Variants in DCHS1 observed in about 807,000 individuals in gnomAD.
DCHS1 encodes protocadherin-16.
Under a neutral mutation model 213.9 loss-of-function variants are expected in DCHS1, and 78 were observed. The ratio of observed to expected loss-of-function variants is 0.36; its 90% confidence interval spans 0.30 to 0.44. The LOEUF is 0.44. Among genes scored for constraint, DCHS1 ranks in the 20% least tolerant of loss-of-function variants. The pLI, the probability that DCHS1 is intolerant of heterozygous loss-of-function variation, is 1.00. For synonymous variants in DCHS1, 1,828 were observed against 1,873.7 expected (o/e 0.98, Z 0.63); for missense variants, 3,946 against 4,395.9 (o/e 0.90, Z 2.89).
At position 6,622,463 on chromosome 11, in the gene DCHS1, C is replaced by T. The variant is rs1855712258; in HGVS notation, c.9213G>A (p.Gln3071=). ...AARGPDSGIQ[Q]DADGLSDTSC... ...ATGTGTCACTCAGACCATCTGCATC[C>T]TGCTGGATGCCTGAGTCAGGGCCAC... The change falls in exon 21 of 21, where the codon CAG becomes CAA. Residue 3071 remains glutamine, a synonymous_variant. Coordinates refer to ENST00000299441, the MANE Select transcript of DCHS1 (RefSeq NM_003737.4). The surrounding 1 kb of genome is among the most constrained non-coding windows in gnomAD (Gnocchi z 5.4). 2 of 1,564,518 alleles carry T rather than the reference C, an allele frequency of 1.3e-6. No homozygotes were observed. Among genetic ancestry groups the T allele is most frequent in the South Asian group, 2.4e-5 (2 of 84,880 alleles).
rs771061062 is a variant in DCHS1 at position 6,632,018 on chromosome 11, T to G, written c.3481+13A>C. ...AGGCTATGCGGTCTCAGGATTTGGG[T>G]CTCTGTGCTCACCAGTCTGGGGGTG... On this transcript the variant is annotated intron_variant, in intron 6 of 20. Transcript: ENST00000299441. The surrounding 1 kb of genome is among the most constrained non-coding windows in gnomAD (Gnocchi z 5.9). 18 of 1,499,124 alleles carry G rather than the reference T, an allele frequency of 1.2e-5. No homozygotes were observed. Among genetic ancestry groups the G allele is most frequent in the Non-Finnish European group, 2.7e-6 (3 of 1,127,984 alleles). The allele number at this position is 1,499,124 out of a possible 1,614,324, so 92.9% of individuals were successfully genotyped here.
intron 1 of DCHS1, among the ~76,000 whole-genome samples, chr11:6,649,575 AC>A (rs1856214814): frequency 2.0e-5 from 3 of 152,148 alleles, no homozygotes; most frequent in Admixed American, 1.3e-4. Flanking sequence ...CTGTTATTCA[AC>A]AAATACTTGT....
At chr11:6,636,240 C>T (rs905544245) in intron 2 of DCHS1, among the ~76,000 whole-genome samples, 1 of 152,188 alleles carries the variant, frequency 6.6e-6, no homozygotes, top group Non-Finnish European at 1.5e-5. Flanking sequence ...TTGAGACAGG[C>T]TCTCTGTTGC....
At chr11:6,633,135 A>T in intron 5 of DCHS1, 79 bp from the exon 6 acceptor site, 1 of 1,488,422 alleles carries the variant, frequency 6.7e-7, no homozygotes, top group Non-Finnish European at 9.1e-7. Flanking sequence ...GATCCCGAGA[A>T]GGACTGGGCA....
chr11:6,626,431 C>A lies in DCHS1; in HGVS notation c.6365-51G>T, dbSNP rs542191735. The stretch of plus-strand genomic sequence containing the variant: ...ATAGCCCCCTTTGCTTGCCCTGGAG[C>A]CTCCTTCTCTAAGACCCCTTACTCA... On this transcript the variant is annotated intron_variant, in intron 15 of 20. Transcript: ENST00000299441. The surrounding 1 kb of genome is among the most constrained non-coding windows in gnomAD (Gnocchi z 5.2). 8 of 1,605,794 alleles carry A rather than the reference C, an allele frequency of 5.0e-6. No individual in the cohort carries two copies. The African/African-American group carries it at 9.4e-5, about 19-fold the overall frequency.
chr11:6,641,623 A>G lies in DCHS1; in HGVS notation c.-10T>C. 2 of 1,532,780 alleles carry G rather than the reference A, an allele frequency of 1.3e-6. No individual in the cohort carries two copies. The highest frequency in any genetic ancestry group is 1.8e-6 in the Non-Finnish European group (2 of 1,135,048). The allele number at this position is 1,532,780 out of a possible 1,614,324, so 94.9% of individuals were successfully genotyped here. On this transcript the variant is annotated 5_prime_UTR_variant, in exon 2 of 21. Coordinates refer to ENST00000299441, the MANE Select transcript of DCHS1 (RefSeq NM_003737.4). This position sits in a 1 kb window ranked among gnomAD's most constrained non-coding sequence, Gnocchi z 7.1. ...CCAGCTCCTTCTGCATGACAAGGGT[A>G]GTCCAGCTGTGCCTTGGGCTCCAGC...
Position 6,623,971 on chromosome 11 carries a change from T to G in DCHS1, c.7705A>C (p.Asn2569His), listed in dbSNP as rs2134611839. ...CGGTCAGCTGCAGCCACTGTTAGAT[T>G]GTACTGTGTCAGGCTTTCAAAGTCT... ...PLDFESLTQY[N>H]LTVAAADRGQ... Residue 2569 changes from asparagine (N) to histidine (H), a missense_variant, in exon 21 of 21, where the codon AAT (asparagine) becomes CAT (histidine). Around this residue, in one of 3 missense-constraint regions of DCHS1, gnomAD observed 3,384 missense variants for 3,780.1 expected, o/e 0.90. Coordinates refer to ENST00000299441, the MANE Select transcript of DCHS1 (RefSeq NM_003737.4). The G allele has an allele frequency of 1.2e-6, 2 of 1,609,876 alleles. No individual in the cohort carries two copies. Among genetic ancestry groups the G allele is most frequent in the Admixed American group, 3.3e-5 (2 of 59,946 alleles).
At chr11:6,635,677 C>A (rs1416624018) in intron 2 of DCHS1, among the ~76,000 whole-genome samples, 1 of 152,154 alleles carries the variant, frequency 6.6e-6, no homozygotes, top group Non-Finnish European at 1.5e-5. Flanking sequence ...TGGCTGTGGG[C>A]CCGGATATCC....
rs773666492 is a variant in DCHS1 at position 6,622,103 on chromosome 11, C to T, written c.9573G>A (p.Arg3191=). 4 of 1,613,152 alleles carry T rather than the reference C, an allele frequency of 2.5e-6. No homozygotes were observed. The highest frequency in any genetic ancestry group is 3.4e-6 in the Non-Finnish European group (4 of 1,179,826). ...TEIARLKDEA[R]PCPPAPRIDP... is the part of the protein sequence containing the mutation. ...CGATACGGGGAGCTGGGGGACATGG[C>T]CGAGCTTCATCCTTGAGCCGAGCGA... The change falls in exon 21 of 21, where the codon CGG becomes CGA. Residue 3191 remains arginine, a synonymous_variant. Transcript: ENST00000299441. The surrounding 1 kb of genome is among the most constrained non-coding windows in gnomAD (Gnocchi z 5.4).
Position 6,624,041 on chromosome 11 carries a change from T to C in DCHS1, c.7635A>G (p.Gly2545=). 6.2e-7 allele frequency: 1 copy of C among 1,613,444 alleles called. No individual in the cohort carries two copies. Among genetic ancestry groups the C allele is most frequent in the Non-Finnish European group, 8.5e-7 (1 of 1,179,808 alleles). The change falls in exon 21 of 21, where the codon GGA becomes GGG. Residue 2545 remains glycine (G), a synonymous_variant. Transcript: ENST00000299441. The part of the protein sequence containing the change: ...PRLAEAGESA[G]PGPRALGCLV... ...GGCAGCCCAGTGCCCGGGGGCCTGG[T>C]CCAGCACTCTCCCCAGCCTCAGCCA...
rs772450059 is a variant in DCHS1 at position 6,621,970 on chromosome 11, G to A, written c.9706C>T (p.Arg3236Cys). Residue 3236 changes from arginine (R) to cysteine (C), a missense_variant, in exon 21 of 21, where the codon CGC (arginine) becomes TGC (cysteine). Around this residue, in one of 3 missense-constraint regions of DCHS1, gnomAD observed 554 missense variants for 590.2 expected, o/e 0.94. Transcript: ENST00000299441. ...GAGCCTTCATGGCTGATGGGGGAGC[G>A]GTGAGAAGCTGGTGGGAAGATGGCC... ...ARAIFPPASH[R>C]SPISHEGSLS... 27 of 1,613,250 alleles carry A rather than the reference G, an allele frequency of 1.7e-5. No individual in the cohort carries two copies. Among genetic ancestry groups the A allele is most frequent in the African/African-American group, 8.0e-5 (6 of 74,800 alleles).
chr11:6,633,343 G>C (rs538737192), intron 5 of DCHS1, 69 bp downstream of exon 5: 2 of 1,441,572 alleles, frequency 1.4e-6, no homozygotes, highest in Non-Finnish European at 9.4e-7. Context: ...AGGTATCTTC[G>C]GATGGTGCTG....
At chr11:6,644,000 T>A (rs74984789) in intron 1 of DCHS1, among the ~76,000 whole-genome samples, 2,817 of 152,284 alleles carry the variant, frequency 0.018, 24 homozygotes, top group South Asian at 0.033. Flanking sequence ...TCTTTCTTGT[T>A]TCTCCAAATT....
At chr11:6,630,933 C>A in intron 9 of DCHS1, 70 bp from the exon 10 acceptor site, 1 of 1,496,148 alleles carries the variant, frequency 6.7e-7, no homozygotes, top group South Asian at 1.3e-5. Context: ...GCTGGCTTCC[C>A]AGGTGGTAGG....
rs781555020 is a variant in DCHS1 at position 6,623,354 on chromosome 11, G to A, written c.8322C>T (p.Asp2774=). ...TGELRARVPF[D]YEHTESFRLL... ...GCCGGAAGCTTTCTGTGTGCTCATA[G>A]TCAAAGGGCACTCGCGCACGCAACT... The change falls in exon 21 of 21, where the codon GAC becomes GAT. Residue 2774 remains aspartate (D), a synonymous_variant. Transcript: ENST00000299441. 6.9e-6 allele frequency: 11 copies of A among 1,597,162 alleles called. No individual in the cohort carries two copies. The highest frequency in any genetic ancestry group is 9.4e-6 in the Non-Finnish European group (11 of 1,171,920).
intron 1 of DCHS1, among the ~76,000 whole-genome samples, chr11:6,643,658 C>T (rs1323584777): frequency 6.6e-6 from 1 of 152,212 alleles, no homozygotes; most frequent in Non-Finnish European, 1.5e-5. Context: ...ACTCTCCATA[C>T]TCTGCCTGCG....
intron 2 of DCHS1, among the ~76,000 whole-genome samples, chr11:6,638,625 C>T (rs1856020669): frequency 6.6e-6 from 1 of 152,196 alleles, no homozygotes; most frequent in Non-Finnish European, 1.5e-5. Flanking sequence ...GCTTCCACAG[C>T]ACTCATACGC....
intron 1 of DCHS1, among the ~76,000 whole-genome samples, chr11:6,653,777 A>C (rs1278868265): frequency 6.6e-6 from 1 of 152,212 alleles, no homozygotes; most frequent in Non-Finnish European, 1.5e-5. Context: ...GATCCTTAGC[A>C]TATGAGCTGG....
rs1196577588 is a variant in DCHS1 at position 6,625,773 on chromosome 11, G to T, written c.6732-46C>A. 6.3e-7 allele frequency: 1 copy of T among 1,590,786 alleles called. No individual in the cohort carries two copies. The highest frequency in any genetic ancestry group is 8.6e-7 in the Non-Finnish European group (1 of 1,167,896). ...TCGGGTGGGACATGGCAATAAGGGG[G>T]AACTCTGGGCAGGGCCAGGAGGACT... On this transcript the variant is annotated intron_variant, in intron 17 of 20. Coordinates refer to ENST00000299441, the MANE Select transcript of DCHS1 (RefSeq NM_003737.4). This position sits in a 1 kb window ranked among gnomAD's most constrained non-coding sequence, Gnocchi z 5.3.
Sources: allele counts gnomAD v4.1 joint callset (sites outside exome capture counted in the v4.1 genomes callset), GRCh38; gene constraint gnomAD v4.1.1; regional missense constraint gnomAD v4.1.1; non-coding constraint Gnocchi (gnomAD v3.1); transcripts MANE v1.5; gene names NCBI Gene and HGNC (gene_info 2026-07-23, HGNC 2026-07-21).